The following ANK3 variants were observed in gnomAD, a reference collection of about 807,000 sequenced individuals.
The protein encoded by ANK3 is ankyrin 3.
Under a neutral mutation model 370.9 loss-of-function variants are expected in ANK3, and 57 were observed. That is an observed-to-expected ratio of 0.15 (90% CI 0.12 to 0.19). The LOEUF is 0.19. ANK3 is among the 10% of genes least tolerant of loss of function. ANK3 has a pLI of 1.00. For missense variants in ANK3, 4,439 were observed against 5,302.1 expected (o/e 0.84, Z 5.06); for synonymous variants, 1,929 against 1,946.3 (o/e 0.99, Z 0.23).
chr10:60,075,109 A>G lies in ANK3; in HGVS notation c.5772T>C (p.Pro1924=), dbSNP rs1564821256. 4 of 1,614,006 alleles carry G rather than the reference A, an allele frequency of 2.5e-6. No homozygotes were observed. The highest frequency in any genetic ancestry group is 3.4e-6 in the Non-Finnish European group (4 of 1,179,944). The part of the protein sequence containing the change: ...RMTAILQTDV[P]EEKPFQPELP... ...GTTCAGGTTGGAATGGCTTCTCCTC[A>G]GGCACATCTGTCTGTAGTATTGCGG... Residue 1924 remains proline (P), a synonymous_variant, in exon 37 of 44, where the codon CCT becomes CCC. Coordinates refer to ENST00000280772, the MANE Select transcript of ANK3 (RefSeq NM_020987.5).
upstream of ANK3, chr10:60,389,882 C>T (rs2062950558): frequency 2.7e-5 from 27 of 984,540 alleles, no homozygotes; most frequent in South Asian, 4.7e-4. Context: ...TAAGTGATTC[C>T]TCGGAAGGGG....
intron 25 of ANK3, among the ~76,000 whole-genome samples, chr10:60,132,937 T>C (rs1220025756): frequency 6.6e-6 from 1 of 152,066 alleles, no homozygotes; most frequent in Admixed American, 6.6e-5. Context: ...TTAATAGAGT[T>C]TTTTTGTCTG....
chr10:60,293,229 G>A (rs1461651719), intron 1 of ANK3, among the ~76,000 whole-genome samples: 3 of 152,118 alleles, frequency 2.0e-5, no homozygotes, highest in Admixed American at 6.6e-5. Context: ...GGAGGGATCC[G>A]CTGGCATTCA....
At position 60,196,203 on chromosome 10, in the gene ANK3, T is replaced by C. The variant is rs1382138301; in HGVS notation, c.1829A>G (p.Asn610Ser). 2 of 1,613,844 alleles carry C rather than the reference T, an allele frequency of 1.2e-6. No individual in the cohort carries two copies. Among genetic ancestry groups the C allele is most frequent in the Non-Finnish European group, 1.7e-6 (2 of 1,179,934 alleles). The change falls in exon 16 of 44, where the codon AAT (asparagine) becomes AGT (serine). Residue 610 changes from asparagine to serine, a missense_variant. Around this residue, in one of 13 missense-constraint regions of ANK3, gnomAD observed 192 missense variants for 192.1 expected, o/e 1.00. Transcript: ENST00000280772. The part of the protein sequence containing the change: ...TPLHVAAHYD[N>S]QKVALLLLDQ... Reference sequence around the variant, plus strand: ...CAAAAGCAGAAGGGCCACTTTCTGATTATCGTAATGTGCAGCTACATGCAG... The same window carrying C: ...CAAAAGCAGAAGGGCCACTTTCTGACTATCGTAATGTGCAGCTACATGCAG...
chr10:60,525,577 G>A, intron 2 of ANK3, among the ~76,000 whole-genome samples: 1 of 152,116 alleles, frequency 6.6e-6, no homozygotes. Flanking sequence ...GGAAATAAGA[G>A]ACGTGGGTTC....
chr10:60,568,200 A>G (rs1407237242), intron 2 of ANK3, among the ~76,000 whole-genome samples: 1 of 152,206 alleles, frequency 6.6e-6, no homozygotes, highest in Non-Finnish European at 1.5e-5. Flanking sequence ...TGTTACAGAG[A>G]GATCTTTCAC....
At chr10:60,442,781 T>A (rs1401491445) in intron 2 of ANK3, among the ~76,000 whole-genome samples, 1 of 152,230 alleles carries the variant, frequency 6.6e-6, no homozygotes, top group Non-Finnish European at 1.5e-5. Flanking sequence ...ACATAGATTA[T>A]AGCATTTGAT....
At chr10:60,366,559 T>C (rs1173372417) in intron 1 of ANK3, among the ~76,000 whole-genome samples, 2 of 150,962 alleles carry the variant, frequency 1.3e-5, no homozygotes, top group East Asian at 3.9e-4. Context: ...TAAGAGGAGA[T>C]ACTAGACTTT....
chr10:60,397,668 T>A (rs2132893891), intron 2 of ANK3, among the ~76,000 whole-genome samples: 1 of 152,350 alleles, frequency 6.6e-6, no homozygotes, highest in African/African-American at 2.4e-5. Context: ...TCATGTTGTT[T>A]TGGAAGGCAA....
rs565083339 is a variant in ANK3 at position 60,282,453 on chromosome 10, G to T, written c.115-2814C>A. Among the ~76,000 whole-genome samples the T allele has an allele frequency of 6.6e-5, 10 of 152,150 alleles. No individual in the cohort carries two copies. The East Asian group carries it at 9.7e-4, about 15-fold the overall frequency. ...TGGTTCTCTACCTATTTGGGATCTGGATTCTTTTGAGACTAATAAAGGTGA... is the reference window on the plus strand; with the variant it reads ...TGGTTCTCTACCTATTTGGGATCTGTATTCTTTTGAGACTAATAAAGGTGA... On this transcript the variant is annotated intron_variant, in intron 1 of 43. Coordinates refer to ENST00000280772, the MANE Select transcript of ANK3 (RefSeq NM_020987.5).
chr10:60,260,769 T>C (rs894172169), intron 7 of ANK3, among the ~76,000 whole-genome samples: 6 of 152,118 alleles, frequency 3.9e-5, no homozygotes, highest in Admixed American at 3.3e-4. Flanking sequence ...GATGTGCCTG[T>C]CCCTGCTTCG....
At chr10:60,156,508 T>C (rs911559304) in intron 23 of ANK3, among the ~76,000 whole-genome samples, 2 of 152,124 alleles carry the variant, frequency 1.3e-5, no homozygotes, top group East Asian at 3.9e-4. Context: ...CATGTGACCC[T>C]GTGCAGTGCC....
At chr10:60,418,163 T>C (rs1232379270) in intron 2 of ANK3, among the ~76,000 whole-genome samples, 3 of 152,160 alleles carry the variant, frequency 2.0e-5, no homozygotes, top group Non-Finnish European at 4.4e-5. Flanking sequence ...AATGCCGGCC[T>C]CCTGATATGC....
intron 43 of ANK3, among the ~76,000 whole-genome samples, chr10:60,032,645 C>A (rs555791272): frequency 3.5e-4 from 54 of 152,202 alleles, no homozygotes; most frequent in Non-Finnish European, 6.2e-4. Flanking sequence ...TCAATCCAAG[C>A]AAATGTTATC....
At chr10:60,368,032 G>C (rs1475557118) in intron 1 of ANK3, among the ~76,000 whole-genome samples, 1 of 152,030 alleles carries the variant, frequency 6.6e-6, no homozygotes, top group Non-Finnish European at 1.5e-5. Context: ...CAACAGCAGT[G>C]CAATTTCATT....
chr10:60,562,470 G>A (rs2077360550), intron 2 of ANK3, among the ~76,000 whole-genome samples: 2 of 152,160 alleles, frequency 1.3e-5, no homozygotes, highest in South Asian at 4.1e-4. Flanking sequence ...CTGGAGTGCA[G>A]TGGCGTGATC....
chr10:60,538,793 C>G (rs1237702290), intron 2 of ANK3, among the ~76,000 whole-genome samples: 1 of 151,784 alleles, frequency 6.6e-6, no homozygotes, highest in African/African-American at 2.4e-5. Flanking sequence ...AGACACATAC[C>G]AAGAGCATCC....
chr10:60,705,981 C>G (rs1180758945), intron 1 of ANK3, among the ~76,000 whole-genome samples: 1 of 151,926 alleles, frequency 6.6e-6, no homozygotes, highest in Non-Finnish European at 1.5e-5. Flanking sequence ...CACCATCTTG[C>G]CTGGCTAATT....
At chr10:60,526,079 G>A (rs2076463632) in intron 2 of ANK3, among the ~76,000 whole-genome samples, 3 of 152,042 alleles carry the variant, frequency 2.0e-5, no homozygotes, top group Admixed American at 2.0e-4. Context: ...ACTCCTCCAG[G>A]ACAGTACAAA....
Sources: gnomAD v4.1 joint callset for allele counts (sites outside exome capture counted in the v4.1 genomes callset) on GRCh38, gnomAD v4.1.1 for gene constraint, gnomAD v4.1.1 regional missense constraint, MANE v1.5 for transcripts, NCBI Gene and HGNC (gene_info 2026-07-23, HGNC 2026-07-21) for gene names.